The following CMIP variants were observed in gnomAD, a reference collection of about 807,000 sequenced individuals.
CMIP encodes the protein c-Maf inducing protein, also known as C-Maf-inducing protein.
CMIP carries 13 observed loss-of-function variants against 97.3 expected under a neutral mutation model. That is an observed-to-expected ratio of 0.13 (90% CI 0.09 to 0.21). CMIP has a LOEUF of 0.21. Among genes scored for constraint, CMIP ranks in the 10% least tolerant of loss-of-function variants. CMIP has a pLI of 1.00. For synonymous variants in CMIP, 538 were observed against 436.3 expected (o/e 1.23, Z -2.91); for missense variants, 847 against 1,024.9 (o/e 0.83, Z 2.37).
intron 1 of CMIP, among the ~76,000 whole-genome samples, chr16:81,521,494 C>T (rs1341506808): frequency 6.6e-6 from 1 of 152,070 alleles, no homozygotes; most frequent in African/African-American, 2.4e-5. Context: ...CTTGGAAGGA[C>T]TGGGTTGCAA....
intron 13 of CMIP, 135 bp from the exon 14 acceptor site, chr16:81,696,425 G>A (rs1011070629): frequency 5.9e-6 from 5 of 843,070 alleles, no homozygotes; most frequent in Non-Finnish European, 9.5e-6. Context: ...GGGGGTTGCT[G>A]GAGGAAACAA....
Position 81,445,198 on chromosome 16 carries a change from ACAGCCCCCTCTCCCCGCCCC to A in CMIP, c.-33_-14del. On this transcript the variant is annotated 5_prime_UTR_variant, in exon 1 of 21. Coordinates refer to ENST00000537098, the MANE Select transcript of CMIP (RefSeq NM_198390.3). Reference sequence around the variant, plus strand: ...GGCCCCGCCGCCCCAGCAGCCCAGGACAGCCCCCTCTCCCCGCCCCCAGCCCCCTCCCCCGGCGCGGCCAT... The same window carrying A: ...GGCCCCGCCGCCCCAGCAGCCCAGGACAGCCCCCTCCCCCGGCGCGGCCAT... 7.4e-7 allele frequency: 1 copy of A among 1,358,102 alleles called. No homozygotes were observed. The highest frequency in any genetic ancestry group is 9.8e-7 in the Non-Finnish European group (1 of 1,019,062). 84.1% of individuals were successfully genotyped at this position (1,358,102 alleles called of 1,614,324 possible). A position where few individuals can be genotyped will look rare whatever the true frequency, so the allele number is the denominator to read the frequency against.
chr16:81,600,275 G>GAAAA (rs71146022), intron 1 of CMIP, among the ~76,000 whole-genome samples: 2 of 81,670 alleles, frequency 2.4e-5, no homozygotes, highest in Admixed American at 1.5e-4. Context: ...GACTCCATCT[G>GAAAA]AAAAAAAAAA....
intron 7 of CMIP, 32 bp from the exon 8 acceptor site, chr16:81,670,110 G>A (rs746656574): frequency 2.7e-5 from 43 of 1,584,104 alleles, no homozygotes; most frequent in South Asian, 9.2e-5. Context: ...GCCTAGCACC[G>A]TCCCGACTCC....
chr16:81,628,148 G>A (rs867769249), intron 3 of CMIP, among the ~76,000 whole-genome samples: 3 of 152,222 alleles, frequency 2.0e-5, no homozygotes, highest in East Asian at 1.9e-4. Context: ...GCTCTGGACC[G>A]GGCCTCCAGT....
At chr16:81,561,202 G>A (rs137961334) in intron 1 of CMIP, among the ~76,000 whole-genome samples, 3 of 152,306 alleles carry the variant, frequency 2.0e-5, no homozygotes, top group African/African-American at 4.8e-5. Flanking sequence ...TGATTCACTC[G>A]CCTTGGCTTC....
intron 1 of CMIP, among the ~76,000 whole-genome samples, chr16:81,595,726 CT>C (rs889080437): frequency 3.9e-5 from 6 of 151,988 alleles, no homozygotes; most frequent in Non-Finnish European, 5.9e-5. Flanking sequence ...GTGGTAATGT[CT>C]TTTTTTTATC....
chr16:81,640,290 C>CG (rs1263954510), intron 3 of CMIP, among the ~76,000 whole-genome samples: 9 of 150,380 alleles, frequency 6.0e-5, no homozygotes, highest in Non-Finnish European at 1.2e-4. Context: ...CATCAGGCCC[C>CG]CCCCCCCCCA....
At chr16:81,664,663 G>A (rs897856341) in intron 7 of CMIP, 2 of 562,728 alleles carry the variant, frequency 3.6e-6, no homozygotes, top group Non-Finnish European at 6.3e-6. Context: ...CAAGGACCCA[G>A]AGCGCGACTT....
At chr16:81,678,747 TTGTG>T in intron 10 of CMIP, 119 bp downstream of exon 10, 1 of 607,096 alleles carries the variant, frequency 1.6e-6, no homozygotes, top group Non-Finnish European at 2.9e-6. Flanking sequence ...GTAGAGTGGC[TTGTG>T]TGTGAGTGCA....
intron 7 of CMIP, among the ~76,000 whole-genome samples, chr16:81,669,683 CCACACCCACCT>C (rs2092661830): frequency 9.0e-6 from 1 of 111,618 alleles, no homozygotes; most frequent in Admixed American, 9.1e-5. Context: ...TCACCTCCTT[CCACACCCACCT>C]CACATTCACC....
chr16:81,512,383 C>G lies in CMIP; in HGVS notation c.300+66842C>G, dbSNP rs146232363. Among the ~76,000 whole-genome samples the G allele has an allele frequency of 1.4e-4, 22 of 152,328 alleles. No individual in the cohort carries two copies. The East Asian group carries it at 1.9e-3, about 13-fold the overall frequency. ...ATCACCACCCCCATCACCTTTCCTG[C>G]TCATGTTCCAGTGGGCACCAGCAAT... On this transcript the variant is annotated intron_variant, in intron 1 of 20. Transcript: ENST00000537098.
At chr16:81,638,545 G>A (rs2092264990) in intron 3 of CMIP, among the ~76,000 whole-genome samples, 3 of 152,050 alleles carry the variant, frequency 2.0e-5, no homozygotes, top group African/African-American at 4.8e-5. Context: ...CGCCCGAGGC[G>A]ACGCTCCTTA....
intron 4 of CMIP, among the ~76,000 whole-genome samples, chr16:81,656,034 C>G (rs1171161113): frequency 6.6e-6 from 1 of 152,168 alleles, no homozygotes; most frequent in Non-Finnish European, 1.5e-5. Flanking sequence ...ACAGGCTGCT[C>G]AAACTCCACT....
chr16:81,543,686 A>G (rs1396398802), intron 1 of CMIP, among the ~76,000 whole-genome samples: 2 of 152,222 alleles, frequency 1.3e-5, no homozygotes, highest in Non-Finnish European at 2.9e-5. Context: ...CTACTATCTT[A>G]GAACAGTGCC....
At chr16:81,569,798 C>T (rs561965511) in intron 1 of CMIP, among the ~76,000 whole-genome samples, 1 of 152,332 alleles carries the variant, frequency 6.6e-6, no homozygotes, top group Non-Finnish European at 1.5e-5. Context: ...GTGTCAACCT[C>T]TCTGAGACTC....
In CMIP at chr16:81,567,959, A is replaced by G. The variant is rs570215084; in HGVS notation, c.301-39608A>G. Among the ~76,000 whole-genome samples, 8 of 151,304 alleles carry G rather than the reference A, an allele frequency of 5.3e-5. No homozygotes were observed. In the East Asian group the frequency reaches 1.4e-3, roughly 26 times the overall value. On this transcript the variant is annotated intron_variant, in intron 1 of 20. Coordinates refer to ENST00000537098, the MANE Select transcript of CMIP (RefSeq NM_198390.3). ...CTTTATTTTGAGTGAAGTTGAGGCCAGAAGGCCTCAGTATCCTCTTCCAGG... is the reference window on the plus strand; with the variant it reads ...CTTTATTTTGAGTGAAGTTGAGGCCGGAAGGCCTCAGTATCCTCTTCCAGG...
chr16:81,494,150 G>GCAGT (rs2089450287), intron 1 of CMIP, among the ~76,000 whole-genome samples: 1 of 152,176 alleles, frequency 6.6e-6, no homozygotes, highest in African/African-American at 2.4e-5. Context: ...TGCCTGCTGA[G>GCAGT]CAGTCACCGG....
intron 3 of CMIP, among the ~76,000 whole-genome samples, chr16:81,639,085 C>T (rs1443661633): frequency 2.0e-5 from 3 of 152,154 alleles, no homozygotes; most frequent in Non-Finnish European, 4.4e-5. Flanking sequence ...AGGACCGGAG[C>T]TCAGGACCAG....
Sources: allele counts gnomAD v4.1 joint callset (sites outside exome capture counted in the v4.1 genomes callset), GRCh38; gene constraint gnomAD v4.1.1; transcripts MANE v1.5; gene names NCBI Gene and HGNC (gene_info 2026-07-23, HGNC 2026-07-21).